The following GALNT13 variants were observed in gnomAD, a reference collection of about 807,000 sequenced individuals.
The protein encoded by GALNT13 is UDP-GalNAc:polypeptide N-acetylgalactosaminyltransferase 13.
In GALNT13, 28 loss-of-function variants were observed where a neutral mutation model predicts 64.2. The observed-to-expected ratio is 0.44, with a 90% CI of 0.32 to 0.60. The LOEUF (loss-of-function observed/expected upper bound fraction) is 0.60, where lower values mean the gene tolerates loss of function less well. GALNT13 is among the 20% of genes least tolerant of loss of function. The pLI, the probability that GALNT13 is intolerant of heterozygous loss-of-function variation, is 0.05. For synonymous variants in GALNT13, 214 were observed against 224.6 expected (o/e 0.95, Z 0.42); for missense variants, 577 against 669.8 (o/e 0.86, Z 1.53).
At chr2:153,556,340 C>A in the GALNT13 span, among the ~76,000 whole-genome samples, 6 of 152,240 alleles carry the variant, frequency 3.9e-5, no homozygotes, top group East Asian at 9.7e-4. Flanking sequence ...AGTCTATAAA[C>A]TTTACATCCT....
chr2:153,553,239 G>A, the GALNT13 span, among the ~76,000 whole-genome samples: 2 of 152,042 alleles, frequency 1.3e-5, no homozygotes, highest in African/African-American at 2.4e-5. Flanking sequence ...TTGGCCACAT[G>A]TGTAATCCCA....
chr2:153,766,489 A>G, the GALNT13 span, among the ~76,000 whole-genome samples: 6 of 152,104 alleles, frequency 3.9e-5, no homozygotes, highest in African/African-American at 1.4e-4. Flanking sequence ...TTAAAATCCT[A>G]TTATGCATGG....
At chr2:153,146,171 G>GTTT in the GALNT13 span, among the ~76,000 whole-genome samples, 3 of 139,454 alleles carry the variant, frequency 2.2e-5, no homozygotes, top group South Asian at 2.3e-4. Flanking sequence ...TTTATGGAGG[G>GTTT]TTTTTTTTTT....
rs1488758614 is a variant in GALNT13, at chr2:154,381,091, A to G, written c.1157-14900A>G. The stretch of plus-strand genomic sequence containing the variant: ...ATTTTCTGGATTAGAAGCAAGTCAT[A>G]GGTTCTACCTACACTCAAGGGCAAG... On this transcript the variant is annotated intron_variant, in intron 9 of 12. Transcript: ENST00000392825. Among the ~76,000 whole-genome samples the G allele has an allele frequency of 2.0e-5, 3 of 152,210 alleles. No individual in the cohort carries two copies. In the South Asian group the frequency reaches 6.2e-4, roughly 32 times the overall value.
intron 3 of GALNT13, among the ~76,000 whole-genome samples, chr2:154,092,449 T>G (rs1052034478): frequency 5.9e-5 from 9 of 152,070 alleles, no homozygotes; most frequent in Non-Finnish European, 1.0e-4. Flanking sequence ...ATGGATCTTT[T>G]GGAATTTAAA....
chr2:153,325,278 T>G, the GALNT13 span, among the ~76,000 whole-genome samples: 1 of 152,130 alleles, frequency 6.6e-6, no homozygotes, highest in African/African-American at 2.4e-5. Flanking sequence ...TTCTAGTTTA[T>G]GTGCACTGAG....
intron 4 of GALNT13, among the ~76,000 whole-genome samples, chr2:154,170,791 T>A (rs1177579211): frequency 6.6e-6 from 1 of 152,136 alleles, no homozygotes; most frequent in African/African-American, 2.4e-5. Flanking sequence ...TGCCCCAAAA[T>A]GAGTAAATAT....
At chr2:153,447,138 C>G in the GALNT13 span, among the ~76,000 whole-genome samples, 1 of 152,136 alleles carries the variant, frequency 6.6e-6, no homozygotes, top group Non-Finnish European at 1.5e-5. Flanking sequence ...ATAAACCTAA[C>G]TGCAAGCGTA....
At chr2:153,945,785 T>G (rs1691692936) in intron 3 of GALNT13, among the ~76,000 whole-genome samples, 1 of 152,174 alleles carries the variant, frequency 6.6e-6, no homozygotes, top group Non-Finnish European at 1.5e-5. Context: ...AAGATTACTT[T>G]AGACATGTTG....
At chr2:154,104,950 A>G (rs938505390) in intron 3 of GALNT13, among the ~76,000 whole-genome samples, 2 of 152,158 alleles carry the variant, frequency 1.3e-5, no homozygotes, top group Non-Finnish European at 2.9e-5. Flanking sequence ...TCTGCCCCCA[A>G]GAAGTTCTCA....
chr2:154,102,434 A>C (rs1702396081), intron 3 of GALNT13, among the ~76,000 whole-genome samples: 1 of 152,140 alleles, frequency 6.6e-6, no homozygotes, highest in Admixed American at 6.6e-5. Context: ...CTTTAGTGCT[A>C]GCATAATTAG....
chr2:154,299,684 C>G (rs536732963), intron 8 of GALNT13, among the ~76,000 whole-genome samples: 2 of 151,112 alleles, frequency 1.3e-5, no homozygotes, highest in Admixed American at 6.6e-5. Context: ...AGGATGGTCT[C>G]GATCTCTTGA....
the GALNT13 span, among the ~76,000 whole-genome samples, chr2:153,440,555 A>G: frequency 5.3e-5 from 8 of 152,304 alleles, no homozygotes; most frequent in East Asian, 1.4e-3. Flanking sequence ...GAACTAATCC[A>G]CACTCCCACC....
chr2:153,484,390 C>T, the GALNT13 span, among the ~76,000 whole-genome samples: 2 of 152,000 alleles, frequency 1.3e-5, no homozygotes, highest in Non-Finnish European at 2.9e-5. Flanking sequence ...ATATTGATCT[C>T]GAATATTGTT....
At chr2:153,977,316 G>C (rs1214114711) in intron 3 of GALNT13, among the ~76,000 whole-genome samples, 1 of 152,134 alleles carries the variant, frequency 6.6e-6, no homozygotes, top group Non-Finnish European at 1.5e-5. Flanking sequence ...ACATACCTGA[G>C]ACTGGACAAT....
At chr2:153,697,804 C>T in the GALNT13 span, among the ~76,000 whole-genome samples, 31 of 152,318 alleles carry the variant, frequency 2.0e-4, no homozygotes, top group East Asian at 2.9e-3. Flanking sequence ...CTAGGGGTGA[C>T]ATGATCTGAC....
chr2:153,827,170 T>C, the GALNT13 span, among the ~76,000 whole-genome samples: 6 of 152,018 alleles, frequency 3.9e-5, no homozygotes, highest in African/African-American at 1.4e-4. Context: ...GAGAGAGAGC[T>C]TGTGCAGGGA....
At chr2:153,714,010 G>C in the GALNT13 span, among the ~76,000 whole-genome samples, 1 of 152,104 alleles carries the variant, frequency 6.6e-6, no homozygotes, top group African/African-American at 2.4e-5. Context: ...ATATCCCTAA[G>C]TCTTAGGGAA....
the GALNT13 span, among the ~76,000 whole-genome samples, chr2:153,347,626 T>A: frequency 2.0e-5 from 3 of 152,270 alleles, no homozygotes; most frequent in East Asian, 3.9e-4. Flanking sequence ...TTAGGTAGGA[T>A]GCCAAAGCCT....
Sources: allele counts gnomAD v4.1 joint callset (sites outside exome capture counted in the v4.1 genomes callset), GRCh38; gene constraint gnomAD v4.1.1; transcripts MANE v1.5; gene names NCBI Gene and HGNC (gene_info 2026-07-23, HGNC 2026-07-21).